ZCCHC7: variants seen among roughly 807,000 people sequenced by gnomAD.
ZCCHC7 encodes zinc finger CCHC-type containing 7.
In ZCCHC7, 35 loss-of-function variants were observed where a neutral mutation model predicts 52.0. The ratio of observed to expected loss-of-function variants is 0.67; its 90% CI spans 0.51 to 0.89. The LOEUF (loss-of-function observed/expected upper bound fraction) is 0.89. ZCCHC7 is among the 40% of genes least tolerant of loss of function. The pLI is 0.00. For missense variants in ZCCHC7, 574 were observed against 649.1 expected, an observed-to-expected ratio of 0.88 and a Z score of 1.26; for synonymous variants, 217 against 221.5, an observed-to-expected ratio of 0.98 and a Z score of 0.18.
intron 2 of ZCCHC7, among the ~76,000 whole-genome samples, chr9:37,273,719 G>C (rs1475356730): frequency 2.6e-5 from 4 of 152,056 alleles, no homozygotes; most frequent in Admixed American, 2.0e-4. Flanking sequence ...TTATATTGCT[G>C]TTTCTCTGAT....
intron 6 of ZCCHC7, among the ~76,000 whole-genome samples, chr9:37,346,570 G>A (rs1289158912): frequency 6.6e-6 from 1 of 152,168 alleles, no homozygotes; most frequent in Admixed American, 6.5e-5. Flanking sequence ...CAGCTACTCA[G>A]GAGGCTGAAA....
rs201291320 is a variant in ZCCHC7, at chr9:37,246,618, A to AT, written c.611-55564dup. On this transcript the variant is annotated intron_variant, in intron 2 of 8. Coordinates refer to ENST00000336755, the MANE Select transcript of ZCCHC7 (RefSeq NM_032226.3). ...TTTGGGGCAGGAAAAAGAATCATGT[A>AT]TTTTTTCCCCTTTTCTAAATTGACA... Among the ~76,000 whole-genome samples, 10 of 152,188 alleles carry AT rather than the reference A, an allele frequency of 6.6e-5. No homozygotes were observed. The East Asian group carries it at 1.9e-3, about 29-fold the overall frequency.
chr9:37,355,571 A>G (rs568521758), intron 8 of ZCCHC7, among the ~76,000 whole-genome samples: 9 of 152,352 alleles, frequency 5.9e-5, no homozygotes, highest in African/African-American at 1.4e-4. Flanking sequence ...CAGCTCCTGC[A>G]TATTTTACAT....
At chr9:37,327,908 A>G in intron 6 of ZCCHC7, 74 bp downstream of exon 6, 1 of 1,478,744 alleles carries the variant, frequency 6.8e-7, no homozygotes, top group South Asian at 1.2e-5. Flanking sequence ...TGACCATAAA[A>G]TATAGACAAG....
Position 37,133,013 on chromosome 9 carries a change from T to TGAGGTGGGTG in ZCCHC7, c.610+6072_610+6073insAGGTGGGTGG, listed in dbSNP as rs1377931678. ...TTAGCCCAGTGTGGTGGTGTGCACCTGTAATCCCAGCCTCAGAGGCTGAGG... is the reference window on the plus strand; with the variant it reads ...TTAGCCCAGTGTGGTGGTGTGCACCTGAGGTGGGTGGTAATCCCAGCCTCAGAGGCTGAGG... On this transcript the variant is annotated intron_variant, in intron 2 of 8. Coordinates refer to ENST00000336755, the MANE Select transcript of ZCCHC7 (RefSeq NM_032226.3). 2.6e-5 allele frequency among the ~76,000 whole-genome samples: 4 copies of TGAGGTGGGTG among 152,126 alleles called. No individual in the cohort carries two copies. The East Asian group carries it at 7.7e-4, about 29-fold the overall frequency.
intron 2 of ZCCHC7, among the ~76,000 whole-genome samples, chr9:37,156,902 T>C (rs1162043012): frequency 6.6e-6 from 1 of 152,150 alleles, no homozygotes; most frequent in Non-Finnish European, 1.5e-5. Context: ...AGCTAGGTAT[T>C]TTAATAAGTA....
intron 2 of ZCCHC7, among the ~76,000 whole-genome samples, chr9:37,282,729 G>T (rs1828023829): frequency 6.6e-6 from 1 of 151,590 alleles, no homozygotes; most frequent in Non-Finnish European, 1.5e-5. Context: ...AAATCAGCAG[G>T]GTGTGATTGT....
At chr9:37,228,629 A>G (rs1481925083) in intron 2 of ZCCHC7, among the ~76,000 whole-genome samples, 1 of 152,016 alleles carries the variant, frequency 6.6e-6, no homozygotes, top group Non-Finnish European at 1.5e-5. Context: ...ATGCCTTCCC[A>G]AAGTGCTGTG....
At chr9:37,355,436 T>C (rs915047282) in intron 8 of ZCCHC7, among the ~76,000 whole-genome samples, 1 of 152,230 alleles carries the variant, frequency 6.6e-6, no homozygotes, top group African/African-American at 2.4e-5. Context: ...CAGTTCTGTA[T>C]TTTTTTAGTT....
rs567082423 is a variant in ZCCHC7 at position 37,285,603 on chromosome 9, CAA to C, written c.611-16583_611-16582del. Among the ~76,000 whole-genome samples, 394 of 152,158 alleles carry C rather than the reference CAA, an allele frequency of 2.6e-3. 2 individuals carry two copies. Among genetic ancestry groups the C allele is most frequent in the African/African-American group, 8.9e-3 (370 of 41,540 alleles). ...TTTTGGAATATAATTTTGAAAAAAT[CAA>C]ATTTATATTTATCCTGCTAGTTGAT... On this transcript the variant is annotated intron_variant, in intron 2 of 8. Coordinates refer to ENST00000336755, the MANE Select transcript of ZCCHC7 (RefSeq NM_032226.3).
At chr9:37,287,953 T>C (rs1828334045) in intron 2 of ZCCHC7, among the ~76,000 whole-genome samples, 3 of 152,016 alleles carry the variant, frequency 2.0e-5, no homozygotes. Context: ...AAAAAACATT[T>C]AACCATTTGG....
chr9:37,147,371 A>C (rs1440804612), intron 2 of ZCCHC7: 1 of 152,034 alleles, frequency 6.6e-6, no homozygotes, highest in East Asian at 1.9e-4. Flanking sequence ...GGTAATACCT[A>C]GCAAATACAG....
intron 8 of ZCCHC7, 142 bp from the exon 9 acceptor site, chr9:37,356,693 A>G (rs982075315): frequency 5.7e-6 from 4 of 704,468 alleles, no homozygotes; most frequent in African/African-American, 1.8e-5. Flanking sequence ...AGCTACAACT[A>G]TTTAATTTTT....
chr9:37,156,323 C>T (rs1258679150), intron 2 of ZCCHC7, among the ~76,000 whole-genome samples: 1 of 151,950 alleles, frequency 6.6e-6, no homozygotes, highest in African/African-American at 2.4e-5. Context: ...TTTTTAATGG[C>T]CATTATGGTT....
chr9:37,178,886 A>G (rs1332982598), intron 2 of ZCCHC7, among the ~76,000 whole-genome samples: 1 of 152,234 alleles, frequency 6.6e-6, no homozygotes, highest in Admixed American at 6.5e-5. Flanking sequence ...ATTTTTGGAT[A>G]TGAAATTAAT....
intron 2 of ZCCHC7, among the ~76,000 whole-genome samples, chr9:37,219,615 G>A (rs1295471295): frequency 6.6e-6 from 1 of 152,116 alleles, no homozygotes; most frequent in South Asian, 2.1e-4. Flanking sequence ...TTTCCTAAGG[G>A]ATATAAAAAT....
chr9:37,348,233 T>C (rs1204727263), intron 6 of ZCCHC7, among the ~76,000 whole-genome samples: 1 of 152,190 alleles, frequency 6.6e-6, no homozygotes, highest in Non-Finnish European at 1.5e-5. Context: ...CCTCTTTCTT[T>C]TTCTACTTTT....
At chr9:37,214,825 A>G (rs191070683) in intron 2 of ZCCHC7, among the ~76,000 whole-genome samples, 19 of 152,176 alleles carry the variant, frequency 1.2e-4, no homozygotes, top group Admixed American at 2.0e-4. Context: ...AATGAAGCTC[A>G]ATTTCAAGTC....
At chr9:37,330,126 C>T (rs1830398134) in intron 6 of ZCCHC7, among the ~76,000 whole-genome samples, 2 of 148,910 alleles carry the variant, frequency 1.3e-5, no homozygotes, top group South Asian at 4.7e-4. Flanking sequence ...TCTTTAAAAA[C>T]CAAAAAAGTC....
Sources: allele counts gnomAD v4.1 joint callset (sites outside exome capture counted in the v4.1 genomes callset), GRCh38; gene constraint gnomAD v4.1.1; transcripts MANE v1.5; gene names NCBI Gene and HGNC (gene_info 2026-07-23, HGNC 2026-07-21).